Variants in SYT6 observed in about 807,000 individuals in gnomAD.
The protein encoded by SYT6 is synaptotagmin 6.
Under a neutral mutation model 38.4 loss-of-function variants are expected in SYT6, and 24 were observed. The ratio of observed to expected loss-of-function variants is 0.62; its 90% CI spans 0.45 to 0.88. SYT6 has a LOEUF of 0.88. Among genes scored for constraint, SYT6 ranks in the 40% least tolerant of loss-of-function variants. The pLI, the probability that SYT6 is intolerant of heterozygous loss-of-function variation, is 0.00. For synonymous variants in SYT6, 265 were observed against 241.9 expected, an observed-to-expected ratio of 1.10 and a Z score of -0.89; for missense variants, 611 against 621.0, an observed-to-expected ratio of 0.98 and a Z score of 0.17.
rs200649940 is a variant in SYT6, at chr1:114,099,145, G to T, written c.1313C>A (p.Pro438Gln). ...YNEAIIFDIP[P>Q]ENMDQVSLLI... is the part of the protein sequence containing the mutation. The stretch of plus-strand genomic sequence containing the variant: ...CAGGCTGACTTGATCCATGTTTTCC[G>T]GGGGAATGTCAAAGATGATGGCCTC... The change falls in exon 5 of 8, where the codon CCG (proline) becomes CAG (glutamine). Residue 438 changes from proline (P) to glutamine (Q), a missense_variant. Physicochemically the swap from Pro to Gln is moderately conservative, Grantham distance 76 (BLOSUM62 -1). Coordinates refer to ENST00000610222, the MANE Select transcript of SYT6 (RefSeq NM_001253772.2). 1.2e-6 allele frequency: 2 copies of T among 1,613,918 alleles called. No individual in the cohort carries two copies. Among genetic ancestry groups the T allele is most frequent in the Non-Finnish European group, 1.7e-6 (2 of 1,179,878 alleles).
chr1:114,120,054 G>A (rs1223514994), intron 3 of SYT6, among the ~76,000 whole-genome samples: 3 of 142,218 alleles, frequency 2.1e-5, no homozygotes, highest in Non-Finnish European at 4.5e-5. Flanking sequence ...CTGGGCGACA[G>A]AGAGAGACTC....
chr1:114,111,600 T>C (rs1369022043), intron 3 of SYT6, among the ~76,000 whole-genome samples: 2 of 152,230 alleles, frequency 1.3e-5, no homozygotes, highest in Non-Finnish European at 2.9e-5. Flanking sequence ...AGCTGTCCTG[T>C]CACCCCCTCT....
At chr1:114,122,098 G>A (rs1677439012) in intron 3 of SYT6, among the ~76,000 whole-genome samples, 1 of 152,222 alleles carries the variant, frequency 6.6e-6, no homozygotes, top group Admixed American at 6.5e-5. Flanking sequence ...CCCTTGCAGG[G>A]TCTCATGGAT....
chr1:114,144,849 G>T (rs1679074238), intron 1 of SYT6, among the ~76,000 whole-genome samples: 1 of 152,080 alleles, frequency 6.6e-6, no homozygotes, highest in Non-Finnish European at 1.5e-5. Flanking sequence ...TTCCTTTGCT[G>T]CAAGTTACTT....
At position 114,109,412 on chromosome 1, in the gene SYT6, G is replaced by A. The variant is rs140348942; in HGVS notation, c.1072-5691C>T. 1.3e-4 allele frequency among the ~76,000 whole-genome samples: 20 copies of A among 152,330 alleles called. No individual in the cohort carries two copies. In the East Asian group the frequency reaches 3.7e-3, roughly 28 times the overall value. ...GTTGAGAATGTGGATTTGGGGTCAG[G>A]CAGATCCAGCTTCCAGCTCTTAAGA... is the stretch of plus-strand genomic sequence containing the variant. On this transcript the variant is annotated intron_variant, in intron 3 of 7. Coordinates refer to ENST00000610222, the MANE Select transcript of SYT6 (RefSeq NM_001253772.2).
chr1:114,104,096 T>G (rs1676128329), intron 3 of SYT6, among the ~76,000 whole-genome samples: 1 of 152,202 alleles, frequency 6.6e-6, no homozygotes. Flanking sequence ...TCTCAGTCAC[T>G]GACCCCCTTG....
chr1:114,138,069 A>AGG lies in SYT6; in HGVS notation c.513-18_513-17dup. The AGG allele has an allele frequency of 6.2e-7, 1 of 1,606,034 alleles. No individual in the cohort carries two copies. Among genetic ancestry groups the AGG allele is most frequent in the African/African-American group, 1.3e-5 (1 of 74,792 alleles). On this transcript the variant is annotated splice_polypyrimidine_tract_variant and intron_variant, in intron 2 of 7. Coordinates refer to ENST00000610222, the MANE Select transcript of SYT6 (RefSeq NM_001253772.2). ...GGACGTGTGCCTGGTAGAGGGCAGG[A>AGG]GGGGGCAGAGGGAGTGTGGTCAGGG...
chr1:114,095,646 G>T (rs186887386), intron 6 of SYT6, among the ~76,000 whole-genome samples: 307 of 148,808 alleles, frequency 2.1e-3, no homozygotes, highest in African/African-American at 7.3e-3. Flanking sequence ...AGACCAGAGT[G>T]GGGCAGTGAG....
intron 3 of SYT6, among the ~76,000 whole-genome samples, chr1:114,123,213 C>T (rs931633897): frequency 2.0e-5 from 3 of 152,212 alleles, no homozygotes; most frequent in African/African-American, 7.2e-5. Context: ...CCTCAAGTCA[C>T]AAAGCTAGCC....
At chr1:114,093,895 A>G (rs575198045) in intron 6 of SYT6, 92 bp from the exon 7 acceptor site, 5 of 1,127,102 alleles carry the variant, frequency 4.4e-6, no homozygotes, top group African/African-American at 3.1e-5. Context: ...GTGACAACAC[A>G]TGATTACTAA....
chr1:114,139,681 A>G lies in SYT6; in HGVS notation c.446T>C (p.Val149Ala), dbSNP rs1678737689. Residue 149 changes from valine to alanine, a missense_variant, in exon 2 of 8, where the codon GTC becomes GCC. Transcript: ENST00000610222. ...GGTGTGACGCATGATGTGCTCCTTGACCGACATCTGCACCTCAGCTGGGAT... is the reference window on the plus strand; with the variant it reads ...GGTGTGACGCATGATGTGCTCCTTGGCCGACATCTGCACCTCAGCTGGGAT... ...PDIPAEVQMS[V>A]KEHIMRHTRL... is the part of the protein sequence containing the mutation. The G allele has an allele frequency of 1.2e-6, 2 of 1,614,022 alleles. No individual in the cohort carries two copies. The highest frequency in any genetic ancestry group is 2.2e-5 in the East Asian group (1 of 44,866).
chr1:114,152,240 C>A (rs892502620), intron 1 of SYT6: 1 of 152,306 alleles, frequency 6.6e-6, no homozygotes, highest in Admixed American at 6.5e-5. Flanking sequence ...CCGCCGGTCC[C>A]TGGCTTCTCG....
At chr1:114,129,601 T>TTTCTTTC (rs1270549749) in intron 3 of SYT6, among the ~76,000 whole-genome samples, 7 of 108,384 alleles carry the variant, frequency 6.5e-5, no homozygotes, top group African/African-American at 2.3e-4. Flanking sequence ...TCTTTCTTTC[T>TTTCTTTC]TTCTTTCTTT....
At chr1:114,135,335 C>A (rs979266107) in intron 3 of SYT6, among the ~76,000 whole-genome samples, 1 of 152,138 alleles carries the variant, frequency 6.6e-6, no homozygotes, top group African/African-American at 2.4e-5. Context: ...CCCAGAGGAT[C>A]GTATTTGCTG....
At chr1:114,119,774 T>C (rs1677263097) in intron 3 of SYT6, among the ~76,000 whole-genome samples, 1 of 152,144 alleles carries the variant, frequency 6.6e-6, no homozygotes, top group Non-Finnish European at 1.5e-5. Context: ...TAACTTGTTT[T>C]CAAAAACCTC....
At chr1:114,149,220 T>TGTGTGTGTGTGTGTGTGCGCGTGCGC (rs1679311680) in intron 1 of SYT6, among the ~76,000 whole-genome samples, 11 of 113,956 alleles carry the variant, frequency 9.7e-5, no homozygotes, top group African/African-American at 3.1e-4. Context: ...AGAGAGATTG[T>TGTGTGTGTGTGTGTGTGCGCGTGCGC]GTGTGTGTGT....
intron 3 of SYT6, among the ~76,000 whole-genome samples, chr1:114,130,736 A>G (rs1233949529): frequency 6.6e-6 from 1 of 152,228 alleles, no homozygotes; most frequent in African/African-American, 2.4e-5. Flanking sequence ...TAGTTGTTCT[A>G]GGACCCAAGT....
At chr1:114,145,509 T>G (rs866768508) in intron 1 of SYT6, among the ~76,000 whole-genome samples, 12 of 113,966 alleles carry the variant, frequency 1.1e-4, no homozygotes, top group African/African-American at 4.8e-4. Context: ...TAAGTTTTTT[T>G]TTTTTTTTTT....
chr1:114,092,191 A>T, intron 7 of SYT6, 109 bp from the exon 8 acceptor site: 1 of 1,085,210 alleles, frequency 9.2e-7, no homozygotes, highest in Admixed American at 2.5e-5. Context: ...AGCTTCTCAT[A>T]AGCTTTCTTG....
Sources: gnomAD v4.1 joint callset for allele counts (sites outside exome capture counted in the v4.1 genomes callset) on GRCh38, gnomAD v4.1.1 for gene constraint, MANE v1.5 for transcripts, NCBI Gene and HGNC (gene_info 2026-07-23, HGNC 2026-07-21) for gene names.